The following RSRC1 variants were observed in gnomAD, a reference collection of about 807,000 sequenced individuals.
RSRC1 encodes the protein arginine and serine rich coiled-coil 1, also known as serine/Arginine-related protein 53.
In RSRC1, 39 loss-of-function variants were observed where a neutral mutation model predicts 49.1. That is an observed-to-expected ratio of 0.79 (90% CI 0.61 to 1.04). The LOEUF (loss-of-function observed/expected upper bound fraction) is 1.04. Ranked by LOEUF, RSRC1 falls within the 50% of genes least tolerant of loss-of-function variation. RSRC1 has a pLI of 0.00. For synonymous variants in RSRC1, 143 were observed against 130.8 expected (o/e 1.09, Z -0.63); for missense variants, 388 against 402.4 (o/e 0.96, Z 0.31).
At chr3:158,285,520 A>G (rs1726475543) in intron 4 of RSRC1, among the ~76,000 whole-genome samples, 1 of 152,218 alleles carries the variant, frequency 6.6e-6, no homozygotes, top group Non-Finnish European at 1.5e-5. Context: ...CTTCCTACCC[A>G]TGAGCATGGA....
chr3:158,312,086 TAG>T (rs1728161774), intron 5 of RSRC1, among the ~76,000 whole-genome samples: 1 of 150,996 alleles, frequency 6.6e-6, no homozygotes, highest in Non-Finnish European at 1.5e-5. Context: ...CTTGGTTTTA[TAG>T]AGTGTTATTT....
At chr3:158,322,609 G>A (rs151245278) in intron 5 of RSRC1, among the ~76,000 whole-genome samples, 1 of 152,232 alleles carries the variant, frequency 6.6e-6, no homozygotes, top group East Asian at 1.9e-4. Flanking sequence ...GGAGTTCATT[G>A]GTCTTCAGTT....
intron 5 of RSRC1, among the ~76,000 whole-genome samples, chr3:158,323,711 T>C (rs1728895701): frequency 6.6e-6 from 1 of 152,356 alleles, no homozygotes; most frequent in Admixed American, 6.5e-5. Context: ...AAATAGCACT[T>C]TGCCTCAGGA....
chr3:158,116,459 A>T (rs1410901884), intron 1 of RSRC1, among the ~76,000 whole-genome samples: 2 of 152,170 alleles, frequency 1.3e-5, no homozygotes, highest in Non-Finnish European at 2.9e-5. Flanking sequence ...AAAGATGTGT[A>T]TGTACTCGAG....
intron 5 of RSRC1, among the ~76,000 whole-genome samples, chr3:158,347,486 A>G (rs944609601): frequency 6.6e-6 from 1 of 152,208 alleles, no homozygotes; most frequent in African/African-American, 2.4e-5. Flanking sequence ...AAGAGAACAT[A>G]TGATAATATG....
intron 6 of RSRC1, among the ~76,000 whole-genome samples, chr3:158,366,401 G>A (rs1364523420): frequency 6.6e-6 from 1 of 152,110 alleles, no homozygotes; most frequent in African/African-American, 2.4e-5. Context: ...TATTAAATAG[G>A]GAGTCCTTTC....
chr3:158,431,564 T>C (rs1162070931), intron 6 of RSRC1, among the ~76,000 whole-genome samples: 1 of 151,970 alleles, frequency 6.6e-6, no homozygotes, highest in East Asian at 1.9e-4. Flanking sequence ...GTGGTGGCAA[T>C]GAAAATTTCA....
At chr3:158,128,211 T>G (rs1489665088) in intron 3 of RSRC1, among the ~76,000 whole-genome samples, 2 of 152,230 alleles carry the variant, frequency 1.3e-5, no homozygotes, top group African/African-American at 4.8e-5. Context: ...AATGTTGGAC[T>G]TACATTCCAT....
chr3:158,513,266 T>G (rs1270862444), intron 7 of RSRC1, among the ~76,000 whole-genome samples: 8 of 151,016 alleles, frequency 5.3e-5, no homozygotes, highest in Non-Finnish European at 8.9e-5. Context: ...CATAGATAGC[T>G]CTTATTATTT....
chr3:158,192,957 A>G (rs1720332844), intron 3 of RSRC1, among the ~76,000 whole-genome samples: 1 of 152,028 alleles, frequency 6.6e-6, no homozygotes, highest in Non-Finnish European at 1.5e-5. Flanking sequence ...CTGCTTTTTC[A>G]TTAGCTATGG....
chr3:158,121,392 T>C (rs1190637346), intron 1 of RSRC1, among the ~76,000 whole-genome samples: 1 of 152,142 alleles, frequency 6.6e-6, no homozygotes, highest in Non-Finnish European at 1.5e-5. Flanking sequence ...TTTATTGTTT[T>C]ATTGCTTTCT....
intron 3 of RSRC1, among the ~76,000 whole-genome samples, chr3:158,171,236 C>T (rs561259067): frequency 6.6e-6 from 1 of 152,282 alleles, no homozygotes; most frequent in African/African-American, 2.4e-5. Flanking sequence ...GGACTGATTG[C>T]TTGCTAAAAT....
intron 6 of RSRC1, among the ~76,000 whole-genome samples, chr3:158,389,705 TTA>T (rs1733162890): frequency 6.6e-6 from 1 of 152,200 alleles, no homozygotes; most frequent in African/African-American, 2.4e-5. Context: ...TTTTTTGTGT[TTA>T]TGTATAATTA....
At chr3:158,457,465 CTGTT>C (rs1737390674) in intron 6 of RSRC1, among the ~76,000 whole-genome samples, 1 of 152,122 alleles carries the variant, frequency 6.6e-6, no homozygotes, top group South Asian at 2.1e-4. Context: ...TTTGAAATAT[CTGTT>C]TGGCAGTGTC....
At chr3:158,512,390 G>C (rs967025013) in intron 7 of RSRC1, among the ~76,000 whole-genome samples, 1 of 145,258 alleles carries the variant, frequency 6.9e-6, no homozygotes, top group African/African-American at 2.6e-5. Flanking sequence ...CCCATTGCTT[G>C]TTTTTCTCAG....
At position 158,539,422 on chromosome 3, in the gene RSRC1, C is replaced by T. The variant is rs116090694; in HGVS notation, c.759+2224C>T. 1.1e-3 allele frequency among the ~76,000 whole-genome samples: 172 copies of T among 152,050 alleles called. No individual in the cohort carries two copies. Among genetic ancestry groups the T allele is most frequent in the African/African-American group, 3.9e-3 (161 of 41,504 alleles). The stretch of plus-strand genomic sequence containing the variant: ...CTGAGTAAATAGAGAATCTGATAGT[C>T]CCTGATATATCATTGAGGAACCAAG... On this transcript the variant is annotated intron_variant, in intron 8 of 9. Transcript: ENST00000611884. This position sits in a 1 kb window ranked among gnomAD's most constrained non-coding sequence, Gnocchi z 4.1.
chr3:158,210,458 CAT>C (rs949392103), intron 4 of RSRC1, among the ~76,000 whole-genome samples: 10 of 138,726 alleles, frequency 7.2e-5, no homozygotes, highest in Non-Finnish European at 1.4e-4. Context: ...ACCTTTAACA[CAT>C]GTCATTATAG....
At chr3:158,424,483 GTATTT>G (rs1553803662) in intron 6 of RSRC1, among the ~76,000 whole-genome samples, 1 of 150,520 alleles carries the variant, frequency 6.6e-6, no homozygotes, top group Non-Finnish European at 1.5e-5. Flanking sequence ...CGGTTTGCCA[GTATTT>G]TATTGAGGAT....
At chr3:158,178,767 A>T (rs1719411755) in intron 3 of RSRC1, among the ~76,000 whole-genome samples, 1 of 152,192 alleles carries the variant, frequency 6.6e-6, no homozygotes, top group Non-Finnish European at 1.5e-5. Context: ...GAGAACGGCT[A>T]GCCAATGAGA....
Sources: gnomAD v4.1 joint callset for allele counts (sites outside exome capture counted in the v4.1 genomes callset) on GRCh38, gnomAD v4.1.1 for gene constraint, Gnocchi (gnomAD v3.1) non-coding constraint, MANE v1.5 for transcripts, NCBI Gene and HGNC (gene_info 2026-07-23, HGNC 2026-07-21) for gene names.